The following TJP1 variants were observed in gnomAD, a reference collection of about 807,000 sequenced individuals.
The protein encoded by TJP1 is tight junction protein 1.
A neutral mutation model predicts 194.2 loss-of-function variants in TJP1; 43 were observed. The ratio of observed to expected loss-of-function variants is 0.22; its 90% CI spans 0.17 to 0.29. The LOEUF is 0.29. Ranked by LOEUF, TJP1 falls within the 10% of genes least tolerant of loss-of-function variation. The pLI is 1.00. For missense variants in TJP1, 1,971 were observed against 2,185.7 expected (o/e 0.90, Z 1.96); for synonymous variants, 801 against 779.0 (o/e 1.03, Z -0.47).
At chr15:29,832,072 TG>T (rs2050854136) in intron 2 of TJP1, among the ~76,000 whole-genome samples, 1 of 152,208 alleles carries the variant, frequency 6.6e-6, no homozygotes, top group Admixed American at 6.5e-5. Flanking sequence ...TGTCCCTGTT[TG>T]GATGTGCCAC....
At chr15:29,779,922 T>A (rs577864173) in intron 2 of TJP1, among the ~76,000 whole-genome samples, 4 of 151,528 alleles carry the variant, frequency 2.6e-5, no homozygotes, top group African/African-American at 9.7e-5. Context: ...TTCCTTAGCA[T>A]GTGAACGAAG....
At chr15:29,929,709 AAAAT>A (rs1338808308) in intron 2 of TJP1, among the ~76,000 whole-genome samples, 1 of 152,124 alleles carries the variant, frequency 6.6e-6, no homozygotes, top group South Asian at 2.1e-4. Flanking sequence ...AATAAAATTA[AAAAT>A]AAATAAATAA....
chr15:29,705,725 T>C lies in TJP1; in HGVS notation c.4871A>G (p.Asp1624Gly). The C allele has an allele frequency of 6.2e-7, 1 of 1,614,114 alleles. No individual in the cohort carries two copies. The highest frequency in any genetic ancestry group is 8.5e-7 in the Non-Finnish European group (1 of 1,180,022). The change falls in exon 26 of 28, where the codon GAT becomes GGT. Residue 1624 changes from aspartate to glycine, a missense_variant. Asp to Gly is a moderately conservative substitution (Grantham distance 94, BLOSUM62 -1). Around this residue, in one of 5 missense-constraint regions of TJP1, gnomAD observed 1,108 missense variants for 1,128.5 expected, o/e 0.98. Coordinates refer to ENST00000614355, the MANE Select transcript of TJP1 (RefSeq NM_001330239.4). ...CACAGTATGACCATCTTCATCTTCA[T>C]CCTCTTCCACAGCTGAAGGACTGAA... ...IPVSPSAVEE[D>G]EDEDGHTVVA... is the part of the protein sequence containing the mutation.
chr15:29,924,490 A>G (rs2054465182), intron 2 of TJP1, among the ~76,000 whole-genome samples: 1 of 152,230 alleles, frequency 6.6e-6, no homozygotes, highest in Admixed American at 6.5e-5. Context: ...GTTTTCAAAG[A>G]ATATGAACTA....
intron 4 of TJP1, 37 bp downstream of exon 4, chr15:29,772,027 G>A: frequency 7.8e-7 from 1 of 1,287,488 alleles, no homozygotes; most frequent in South Asian, 1.3e-5. Flanking sequence ...AATAAAGTTG[G>A]GGTACCTTTA....
At chr15:29,766,666 A>G in intron 4 of TJP1, 124 bp from the exon 5 acceptor site, 1 of 868,802 alleles carries the variant, frequency 1.2e-6, no homozygotes, top group Non-Finnish European at 1.6e-6. Flanking sequence ...GAAACAATAC[A>G]CAAACAACTA....
In TJP1 at chr15:29,704,325, T is replaced by C. The variant is rs762689099; in HGVS notation, c.5069-20A>G. On this transcript the variant is annotated intron_variant, in intron 26 of 27. Transcript: ENST00000614355. ...TTTCACCTGGAGTTGGAAAAGGGGATAGGCAGAGAGGATGGATGTGGTCTT... is the reference window on the plus strand; with the variant it reads ...TTTCACCTGGAGTTGGAAAAGGGGACAGGCAGAGAGGATGGATGTGGTCTT... The C allele has an allele frequency of 1.0e-5, 16 of 1,574,364 alleles. No individual in the cohort carries two copies. The highest frequency in any genetic ancestry group is 3.7e-5 in the Admixed American group (2 of 53,606).
intron 2 of TJP1, among the ~76,000 whole-genome samples, chr15:29,878,542 C>A (rs2052798531): frequency 6.6e-6 from 1 of 151,864 alleles, no homozygotes; most frequent in Non-Finnish European, 1.5e-5. Flanking sequence ...AGAAACACAG[C>A]CCATAGTTCA....
At chr15:29,793,481 G>A (rs528582270) in intron 2 of TJP1, among the ~76,000 whole-genome samples, 25 of 152,136 alleles carry the variant, frequency 1.6e-4, no homozygotes, top group Admixed American at 3.3e-4. Flanking sequence ...TAAAAAAAGA[G>A]TTCATTGGCT....
intron 2 of TJP1, chr15:29,956,091 T>C (rs2055930329): frequency 1.6e-6 from 1 of 616,880 alleles, no homozygotes; most frequent in Non-Finnish European, 2.2e-6. Flanking sequence ...ACATTCTGGT[T>C]GGTAAACTGT....
intron 8 of TJP1, among the ~76,000 whole-genome samples, chr15:29,747,702 A>C (rs991063096): frequency 6.6e-6 from 1 of 152,216 alleles, no homozygotes; most frequent in Non-Finnish European, 1.5e-5. Context: ...TTAAAATGTG[A>C]TTAACAGACA....
In TJP1 at chr15:29,720,509, T is replaced by C; in HGVS notation, c.2612A>G (p.Glu871Gly). The C allele has an allele frequency of 6.2e-7, 1 of 1,614,144 alleles. No individual in the cohort carries two copies. The highest frequency in any genetic ancestry group is 8.5e-7 in the Non-Finnish European group (1 of 1,180,028). The stretch of plus-strand genomic sequence containing the variant: ...CTCAGAGGACCGTGTAATGGCAGAC[T>C]CCGGTGGAGTCCCAACCTCATCATT... ...TLNDEVGTPP[E>G]SAITRSSEPV... is the part of the protein sequence containing the mutation. The change falls in exon 19 of 28, where the codon GAG becomes GGG. Residue 871 changes from glutamate (E) to glycine (G), a missense_variant. Physicochemically the swap from Glu to Gly is moderately conservative, Grantham distance 98. Around this residue, in one of 5 missense-constraint regions of TJP1, gnomAD observed 1,108 missense variants for 1,128.5 expected, o/e 0.98. Coordinates refer to ENST00000614355, the MANE Select transcript of TJP1 (RefSeq NM_001330239.4).
At chr15:29,842,917 A>T (rs544768414) in intron 2 of TJP1, among the ~76,000 whole-genome samples, 1 of 152,200 alleles carries the variant, frequency 6.6e-6, no homozygotes, top group South Asian at 2.1e-4. Flanking sequence ...TGCCAGCTAC[A>T]TGGTGTCTAC....
At chr15:29,867,837 C>G (rs772870692) in intron 2 of TJP1, among the ~76,000 whole-genome samples, 2 of 152,100 alleles carry the variant, frequency 1.3e-5, no homozygotes, top group Non-Finnish European at 2.9e-5. Flanking sequence ...AGGCAGATTG[C>G]TTCAGCCCAG....
intron 23 of TJP1, among the ~76,000 whole-genome samples, chr15:29,714,233 C>T (rs1376596297): frequency 1.3e-5 from 2 of 152,266 alleles, no homozygotes; most frequent in Middle Eastern, 3.4e-3. Context: ...ACTTTTTAGA[C>T]CTAAATATAC....
At chr15:29,950,657 CT>C (rs1266676511) in intron 2 of TJP1, among the ~76,000 whole-genome samples, 3 of 152,206 alleles carry the variant, frequency 2.0e-5, no homozygotes, top group Non-Finnish European at 4.4e-5. Context: ...TTCCACAGAA[CT>C]GGGAAGCCCA....
chr15:29,769,750 C>T (rs144819112), intron 4 of TJP1, among the ~76,000 whole-genome samples: 1 of 152,204 alleles, frequency 6.6e-6, no homozygotes, highest in East Asian at 1.9e-4. Context: ...GGTGGTGATG[C>T]TGGTGTAAAC....
At chr15:29,933,679 G>C (rs1772916776) in intron 2 of TJP1, among the ~76,000 whole-genome samples, 1 of 152,142 alleles carries the variant, frequency 6.6e-6, no homozygotes, top group Admixed American at 6.5e-5. Flanking sequence ...GGCAAATCAA[G>C]CTTTTTTTCA....
chr15:29,798,005 G>C (rs966774421), intron 2 of TJP1, among the ~76,000 whole-genome samples: 3 of 152,168 alleles, frequency 2.0e-5, no homozygotes, highest in African/African-American at 7.2e-5. Flanking sequence ...AATTGGTCTT[G>C]CTCTGTTGCC....
Sources: allele counts gnomAD v4.1 joint callset (sites outside exome capture counted in the v4.1 genomes callset), GRCh38; gene constraint gnomAD v4.1.1; regional missense constraint gnomAD v4.1.1; transcripts MANE v1.5; gene names NCBI Gene and HGNC (gene_info 2026-07-23, HGNC 2026-07-21).